LRFN2: variants seen among roughly 807,000 people sequenced by gnomAD.
The protein encoded by LRFN2 is leucine rich repeat and fibronectin type III domain containing 2.
LRFN2 carries 18 observed loss-of-function variants against 37.3 expected under a neutral mutation model. That is an observed-to-expected ratio of 0.48 (90% CI 0.33 to 0.72). LRFN2 has a LOEUF of 0.72. LRFN2 is among the 30% of genes least tolerant of loss of function. LRFN2 has a pLI of 0.02. For synonymous variants in LRFN2, 556 were observed against 466.6 expected, an observed-to-expected ratio of 1.19 and a Z score of -2.47; for missense variants, 1,006 against 1,060.7, an observed-to-expected ratio of 0.95 and a Z score of 0.72.
chr6:40,418,931 C>T (rs1458994280), intron 2 of LRFN2, among the ~76,000 whole-genome samples: 2 of 152,182 alleles, frequency 1.3e-5, no homozygotes, highest in Non-Finnish European at 2.9e-5. Flanking sequence ...TTTCCTAGAC[C>T]AGTGATTCTC....
Position 40,576,485 on chromosome 6 carries a change from G to T in LRFN2, c.-19+10456C>A, listed in dbSNP as rs1181176365. Reference sequence around the variant, plus strand: ...CATTGCAGCGCAGCAGCATGGCAGGGCAGCCCAGCATGAGATAACTCATGC... The same window carrying T: ...CATTGCAGCGCAGCAGCATGGCAGGTCAGCCCAGCATGAGATAACTCATGC... On this transcript the variant is annotated intron_variant, in intron 1 of 2. Transcript: ENST00000338305. Among the ~76,000 whole-genome samples, 3 of 152,292 alleles carry T rather than the reference G, an allele frequency of 2.0e-5. No homozygotes were observed. In the East Asian group the frequency reaches 5.8e-4, roughly 29 times the overall value.
chr6:40,584,453 T>C (rs1767464103), intron 1 of LRFN2, among the ~76,000 whole-genome samples: 1 of 152,154 alleles, frequency 6.6e-6, no homozygotes, highest in African/African-American at 2.4e-5. Flanking sequence ...AGTTGGACCC[T>C]AAAACTCCAC....
intron 2 of LRFN2, among the ~76,000 whole-genome samples, chr6:40,430,723 C>G (rs1444030124): frequency 6.6e-6 from 1 of 152,186 alleles, no homozygotes; most frequent in Non-Finnish European, 1.5e-5. Flanking sequence ...TTTTCAAGGT[C>G]AGTACCATTG....
At chr6:40,557,857 C>A (rs1050214689) in intron 1 of LRFN2, among the ~76,000 whole-genome samples, 2 of 152,206 alleles carry the variant, frequency 1.3e-5, no homozygotes, top group African/African-American at 4.8e-5. Context: ...CAATGTTTGT[C>A]ACACAGCAAC....
At chr6:40,397,527 T>C (rs1762641365) in intron 2 of LRFN2, among the ~76,000 whole-genome samples, 2 of 152,136 alleles carry the variant, frequency 1.3e-5, no homozygotes, top group Admixed American at 6.5e-5. Flanking sequence ...CAAGAGACAG[T>C]GCAAACTCCT....
At chr6:40,485,949 A>G (rs2113866473) in intron 1 of LRFN2, among the ~76,000 whole-genome samples, 1 of 152,378 alleles carries the variant, frequency 6.6e-6, no homozygotes, top group African/African-American at 2.4e-5. Flanking sequence ...TAGTTACAAC[A>G]GGGACAGCTG....
chr6:40,584,516 G>A (rs1476277785), intron 1 of LRFN2, among the ~76,000 whole-genome samples: 1 of 152,134 alleles, frequency 6.6e-6, no homozygotes, highest in African/African-American at 2.4e-5. Context: ...CTCTTGTTCA[G>A]AGTCCAATTC....
intron 1 of LRFN2, among the ~76,000 whole-genome samples, chr6:40,541,190 T>A (rs554144837): frequency 1.9e-3 from 288 of 152,184 alleles, no homozygotes; most frequent in African/African-American, 6.5e-3. Flanking sequence ...TCACAGTGAG[T>A]GGTCGCTTCC....
At chr6:40,418,521 A>G (rs986191503) in intron 2 of LRFN2, among the ~76,000 whole-genome samples, 4 of 152,148 alleles carry the variant, frequency 2.6e-5, no homozygotes, top group Non-Finnish European at 4.4e-5. Flanking sequence ...TGACCAGACA[A>G]TAAATATTTA....
intron 2 of LRFN2, among the ~76,000 whole-genome samples, chr6:40,431,309 A>G (rs1763474011): frequency 6.6e-6 from 1 of 152,232 alleles, no homozygotes; most frequent in African/African-American, 2.4e-5. Context: ...CCATGACTGC[A>G]TATGAGTCCA....
At chr6:40,414,064 G>A (rs905926110) in intron 2 of LRFN2, among the ~76,000 whole-genome samples, 7 of 152,212 alleles carry the variant, frequency 4.6e-5, no homozygotes, top group African/African-American at 1.7e-4. Flanking sequence ...GGAGGAAGAG[G>A]AACAGGCAGG....
intron 2 of LRFN2, among the ~76,000 whole-genome samples, chr6:40,413,372 C>T (rs553961239): frequency 2.6e-5 from 4 of 152,226 alleles, no homozygotes; most frequent in African/African-American, 9.6e-5. Flanking sequence ...TACACGCCTG[C>T]CTGCCACTCA....
At chr6:40,447,355 C>T (rs971460997) in intron 1 of LRFN2, among the ~76,000 whole-genome samples, 2 of 152,092 alleles carry the variant, frequency 1.3e-5, no homozygotes, top group Non-Finnish European at 2.9e-5. Flanking sequence ...CGACATTAAC[C>T]TCAAACTCAG....
chr6:40,564,828 C>T (rs1368940828), intron 1 of LRFN2, among the ~76,000 whole-genome samples: 1 of 152,148 alleles, frequency 6.6e-6, no homozygotes, highest in Non-Finnish European at 1.5e-5. Flanking sequence ...ACCATGACCA[C>T]AATACCCATC....
At chr6:40,529,436 A>T (rs967060095) in intron 1 of LRFN2, among the ~76,000 whole-genome samples, 20 of 152,224 alleles carry the variant, frequency 1.3e-4, no homozygotes, top group Admixed American at 8.5e-4. Flanking sequence ...TGCTATCCAC[A>T]CTGTTTCCTG....
chr6:40,490,812 AG>A (rs1191606218), intron 1 of LRFN2, among the ~76,000 whole-genome samples: 1 of 152,226 alleles, frequency 6.6e-6, no homozygotes, highest in African/African-American at 2.4e-5. Context: ...TGCCTGGGGC[AG>A]GGGAGATTCC....
Position 40,432,190 on chromosome 6 carries a change from G to C in LRFN2, c.924C>G (p.Leu308=). The C allele has an allele frequency of 6.2e-7, 1 of 1,613,844 alleles. No homozygotes were observed. Among genetic ancestry groups the C allele is most frequent in the Non-Finnish European group, 8.5e-7 (1 of 1,180,040 alleles). The part of the protein sequence containing the change: ...LLVLEGQAAT[L]KCKAIGDPSP... ...TGGGGTCCCCAATGGCTTTGCACTT[G>C]AGTGTGGCCGCCTGGCCCTCCAGAA... Residue 308 remains leucine, a synonymous_variant, in exon 2 of 3, where the codon CTC becomes CTG. Transcript: ENST00000338305.
chr6:40,512,713 A>G (rs777844513), intron 1 of LRFN2, among the ~76,000 whole-genome samples: 10 of 152,202 alleles, frequency 6.6e-5, no homozygotes, highest in Non-Finnish European at 1.3e-4. Flanking sequence ...CCCTGGATCC[A>G]CTTTAGGAAC....
intron 1 of LRFN2, among the ~76,000 whole-genome samples, chr6:40,545,576 G>A (rs1766646194): frequency 6.6e-6 from 1 of 152,178 alleles, no homozygotes; most frequent in African/African-American, 2.4e-5. Flanking sequence ...GAGACACACA[G>A]CCATGGCCCC....
Sources: gnomAD v4.1 joint callset for allele counts (sites outside exome capture counted in the v4.1 genomes callset) on GRCh38, gnomAD v4.1.1 for gene constraint, MANE v1.5 for transcripts, NCBI Gene and HGNC (gene_info 2026-07-23, HGNC 2026-07-21) for gene names.